The following USH2A variants were observed in gnomAD, a reference collection of about 807,000 sequenced individuals.
The protein encoded by USH2A is usherin.
In USH2A, 443 loss-of-function variants were observed where a neutral mutation model predicts 538.9. That is an observed-to-expected ratio of 0.82 (90% CI 0.76 to 0.89). The LOEUF is 0.89. USH2A is among the 40% of genes least tolerant of loss of function. The pLI, the probability that USH2A is intolerant of heterozygous loss-of-function variation, is 0.00. For synonymous variants in USH2A, 2,413 were observed against 2,273.5 expected (o/e 1.06, Z -1.75); for missense variants, 6,633 against 6,324.8 (o/e 1.05, Z -1.65).
At chr1:216,264,382 C>A (rs896848602) in intron 11 of USH2A, among the ~76,000 whole-genome samples, 1 of 151,994 alleles carries the variant, frequency 6.6e-6, no homozygotes, top group East Asian at 1.9e-4. Context: ...ACTGCAACCT[C>A]CACCTCCTGG....
intron 2 of USH2A, 52 bp downstream of exon 2, chr1:216,421,800 C>T: frequency 1.9e-6 from 3 of 1,613,234 alleles, no homozygotes; most frequent in Non-Finnish European, 2.5e-6. Flanking sequence ...ATGATCTTCA[C>T]TACTACTGGT....
At chr1:215,719,782 A>T (rs1448493287) in intron 61 of USH2A, among the ~76,000 whole-genome samples, 1 of 152,206 alleles carries the variant, frequency 6.6e-6, no homozygotes, top group Non-Finnish European at 1.5e-5. Context: ...AGGACAGATG[A>T]ATTATAGGAG....
chr1:215,795,067 TA>T (rs1200402353), intron 50 of USH2A, among the ~76,000 whole-genome samples: 3 of 152,198 alleles, frequency 2.0e-5, no homozygotes, highest in Non-Finnish European at 4.4e-5. Context: ...TTCTGACACC[TA>T]AATTTAATCT....
chr1:216,015,315 G>A (rs570073668), intron 32 of USH2A, among the ~76,000 whole-genome samples: 6 of 152,274 alleles, frequency 3.9e-5, no homozygotes, highest in African/African-American at 1.2e-4. Flanking sequence ...GAATGCATGT[G>A]GAATATCAGG....
chr1:216,022,788 C>T (rs79217350), intron 32 of USH2A, among the ~76,000 whole-genome samples: 2,057 of 152,174 alleles, frequency 0.014, 45 homozygotes, highest in African/African-American at 0.047. Flanking sequence ...ACTCACCTGA[C>T]GAGGAATATC....
At position 215,986,276 on chromosome 1, in the gene USH2A, C is replaced by T. The variant is rs12040344; in HGVS notation, c.6805+6744G>A. ...CTGGGACTACAGGCACACACTACCACGCCTGGCTAATTTTTTTTTTCTTTT... is the reference window on the plus strand; with the variant it reads ...CTGGGACTACAGGCACACACTACCATGCCTGGCTAATTTTTTTTTTCTTTT... On this transcript the variant is annotated intron_variant, in intron 35 of 71. Transcript: ENST00000307340. Among the ~76,000 whole-genome samples, 13 of 151,440 alleles carry T rather than the reference C, an allele frequency of 8.6e-5. No individual in the cohort carries two copies. In the East Asian group the frequency reaches 1.2e-3, roughly 14 times the overall value.
Position 216,001,236 on chromosome 1 carries a change from T to C in USH2A, c.6326-674A>G, listed in dbSNP as rs150353618. Among the ~76,000 whole-genome samples, 4 of 152,322 alleles carry C rather than the reference T, an allele frequency of 2.6e-5. No homozygotes were observed. In the East Asian group the frequency reaches 7.7e-4, roughly 29 times the overall value. On this transcript the variant is annotated intron_variant, in intron 32 of 71. Transcript: ENST00000307340. The stretch of plus-strand genomic sequence containing the variant: ...TACCTTAAGAGCAGGAATGGTAATA[T>C]ATTCATTTTGCATCCTTAGTATGTA...
At chr1:216,384,195 A>T (rs2038966080) in intron 3 of USH2A, among the ~76,000 whole-genome samples, 1 of 151,326 alleles carries the variant, frequency 6.6e-6, no homozygotes, top group Non-Finnish European at 1.5e-5. Context: ...AAAGTAGAAT[A>T]AAAAAAATTT....
chr1:216,073,099 G>A lies in USH2A; in HGVS notation c.5774C>T (p.Thr1925Ile). 1 of 1,613,818 alleles carries A rather than the reference G, an allele frequency of 6.2e-7. No homozygotes were observed. The highest frequency in any genetic ancestry group is 8.5e-7 in the Non-Finnish European group (1 of 1,179,926). The change falls in exon 28 of 72, where the codon ACA (threonine) becomes ATA (isoleucine). Residue 1925 changes from threonine to isoleucine, a missense_variant and splice_region_variant. Physicochemically the swap from Thr to Ile is moderately conservative, Grantham distance 89. Transcript: ENST00000307340. ...AATTTAGAGGACCTCCACATTACCT[G>A]TAAAAGGCTGGAGACCACCCTCGTA... is the stretch of plus-strand genomic sequence containing the variant. ...SVYEGGLQPF[T>I]EYLYRVIASH... is the part of the protein sequence containing the mutation.
At chr1:215,965,993 G>A (rs1013324544) in intron 36 of USH2A, among the ~76,000 whole-genome samples, 4 of 148,608 alleles carry the variant, frequency 2.7e-5, no homozygotes, top group South Asian at 4.3e-4. Context: ...AGGCATGCAC[G>A]CACACACACG....
At chr1:216,329,985 A>G (rs566118906) in intron 4 of USH2A, among the ~76,000 whole-genome samples, 3 of 152,232 alleles carry the variant, frequency 2.0e-5, no homozygotes, top group Admixed American at 2.0e-4. Flanking sequence ...ACCTCTAGGG[A>G]AGTGTTTTAT....
At chr1:215,679,953 C>T (rs920938122) in intron 62 of USH2A, among the ~76,000 whole-genome samples, 196 bp downstream of exon 62, 5 of 152,140 alleles carry the variant, frequency 3.3e-5, no homozygotes, top group African/African-American at 7.2e-5. Flanking sequence ...GCATTTAGCT[C>T]AGTGTTGGGT....
intron 21 of USH2A, among the ~76,000 whole-genome samples, chr1:216,135,732 T>C (rs1327122511): frequency 9.9e-5 from 15 of 152,098 alleles, no homozygotes; most frequent in Non-Finnish European, 2.9e-5. Context: ...TATTCATTGC[T>C]CTCTCATGAA....
At chr1:216,035,718 C>T (rs1474680977) in intron 32 of USH2A, among the ~76,000 whole-genome samples, 2 of 152,058 alleles carry the variant, frequency 1.3e-5, no homozygotes. Flanking sequence ...TAATTATATC[C>T]AAATTATGCA....
chr1:216,060,955 T>C (rs564139957), intron 30 of USH2A, among the ~76,000 whole-genome samples: 3 of 152,318 alleles, frequency 2.0e-5, no homozygotes, highest in South Asian at 2.1e-4. Flanking sequence ...CCAGAGTTAA[T>C]TGGAGCCCTT....
In USH2A at chr1:215,797,288, G is replaced by C. The variant is rs1203319397; in HGVS notation, c.9958+1619C>G. Among the ~76,000 whole-genome samples, 3 of 152,182 alleles carry C rather than the reference G, an allele frequency of 2.0e-5. No homozygotes were observed. In the East Asian group the frequency reaches 5.8e-4, roughly 29 times the overall value. On this transcript the variant is annotated intron_variant, in intron 50 of 71. Coordinates refer to ENST00000307340, the MANE Select transcript of USH2A (RefSeq NM_206933.4). ...CCATCTTCATAACATAAAAGTGCAA[G>C]GTGAAGCAGCAAGTGCTGATGTAGA...
chr1:215,727,678 C>T (rs1434758019), intron 61 of USH2A, among the ~76,000 whole-genome samples: 2 of 151,878 alleles, frequency 1.3e-5, no homozygotes, highest in Admixed American at 1.3e-4. Flanking sequence ...TGAGCTGAGA[C>T]CACGCCACTC....
intron 21 of USH2A, among the ~76,000 whole-genome samples, chr1:216,159,734 T>A (rs1412360625): frequency 1.3e-5 from 2 of 152,156 alleles, no homozygotes; most frequent in Admixed American, 6.5e-5. Context: ...GTAGGATTGC[T>A]ATTATTTCTA....
At chr1:216,152,086 G>A (rs1398338292) in intron 21 of USH2A, among the ~76,000 whole-genome samples, 9 of 151,956 alleles carry the variant, frequency 5.9e-5, no homozygotes, top group African/African-American at 1.2e-4. Flanking sequence ...GCCCCTAATC[G>A]CACTTGAAGC....
Sources: allele counts gnomAD v4.1 joint callset (sites outside exome capture counted in the v4.1 genomes callset), GRCh38; gene constraint gnomAD v4.1.1; transcripts MANE v1.5; gene names NCBI Gene and HGNC (gene_info 2026-07-23, HGNC 2026-07-21).